The following BRSK2 variants were observed in gnomAD, a reference collection of about 807,000 sequenced individuals.
The protein encoded by BRSK2 is serine/threonine-protein kinase BRSK2.
A neutral mutation model predicts 83.3 loss-of-function variants in BRSK2; 19 were observed. The observed-to-expected ratio is 0.23, with a 90% CI of 0.16 to 0.33. BRSK2 has a LOEUF of 0.33. BRSK2 is among the 10% of genes least tolerant of loss of function. BRSK2 has a pLI of 1.00. For missense variants in BRSK2, 798 were observed against 1,042.3 expected, an observed-to-expected ratio of 0.77 and a Z score of 3.23; for synonymous variants, 519 against 435.4, an observed-to-expected ratio of 1.19 and a Z score of -2.39.
At chr11:1,460,006 C>T (rs1244054190) in intron 19 of BRSK2, among the ~76,000 whole-genome samples, 1 of 151,348 alleles carries the variant, frequency 6.6e-6, no homozygotes, top group Non-Finnish European at 1.5e-5. Flanking sequence ...TCCTGCGAGG[C>T]TTCAGAGCTC....
intron 12 of BRSK2, chr11:1,447,988 G>A (rs1277935944): frequency 4.0e-6 from 4 of 993,778 alleles, no homozygotes; most frequent in Non-Finnish European, 6.0e-6. Context: ...CTGCGGTGAA[G>A]CCAGCCAGCA....
rs973066758 is a variant in BRSK2 at position 1,421,665 on chromosome 11, C to T, written c.92-14375C>T. ...TGTTCTGAGCGTGTGCTGAGGGCCTCGCTCCTTCCTGCCCCCTGCCCCAGC... is the reference window on the plus strand; with the variant it reads ...TGTTCTGAGCGTGTGCTGAGGGCCTTGCTCCTTCCTGCCCCCTGCCCCAGC... On this transcript the variant is annotated intron_variant, in intron 1 of 19. Transcript: ENST00000528841. Among the ~76,000 whole-genome samples, 8 of 152,310 alleles carry T rather than the reference C, an allele frequency of 5.3e-5. No individual in the cohort carries two copies. The East Asian group carries it at 1.2e-3, about 22-fold the overall frequency.
rs1454225764 is a variant in BRSK2 at position 1,462,506 on chromosome 11, A to T, written c.*1783A>T. 6.6e-6 allele frequency: 1 copy of T among 152,246 alleles called. No homozygotes were observed. The highest frequency in any genetic ancestry group is 1.5e-5 in the Non-Finnish European group (1 of 68,068). The allele number at this position is 152,246 out of a possible 1,614,324, so 9.4% of individuals were successfully genotyped here. On this transcript the variant is annotated 3_prime_UTR_variant, in exon 20 of 20. Coordinates refer to ENST00000528841, the MANE Select transcript of BRSK2 (RefSeq NM_001256627.2). The stretch of plus-strand genomic sequence containing the variant: ...CAAACGCCAGGCGGTACAGGCGGGA[A>T]GGGGCTCTCCACGGAGATCGAGGAC...
intron 12 of BRSK2, among the ~76,000 whole-genome samples, chr11:1,446,117 G>A (rs1226857765): frequency 0.012 from 1,808 of 145,758 alleles, 28 homozygotes; most frequent in African/African-American, 0.038. Context: ...GCTGGGAGCT[G>A]AGCTGGGCTG....
chr11:1,403,580 AG>A (rs1464157089), intron 1 of BRSK2, among the ~76,000 whole-genome samples: 1 of 152,160 alleles, frequency 6.6e-6, no homozygotes, highest in African/African-American at 2.4e-5. Flanking sequence ...TTGGTGTGAA[AG>A]GGGGATAACT....
chr11:1,459,375 T>C, intron 19 of BRSK2, 136 bp downstream of exon 19: 1 of 953,942 alleles, frequency 1.0e-6, no homozygotes, highest in Non-Finnish European at 1.7e-6. Flanking sequence ...AGCCCAGATG[T>C]CCCCGGCCCC....
rs746817304 is a variant in BRSK2 at position 1,460,455 on chromosome 11, TTTTTC to T, written c.1988-44_1988-40del. 1.6e-3 allele frequency: 1,888 copies of T among 1,145,882 alleles called. 4 individuals are homozygous for T. The highest frequency in any genetic ancestry group is 2.0e-3 in the Non-Finnish European group (1,794 of 919,698). The allele number at this position is 1,145,882 out of a possible 1,614,324, so 71.0% of individuals were successfully genotyped here. Reference sequence around the variant, plus strand: ...CTCTTTCTCTCCCCCTTTTTTTTCTTTTTTCCTTTTTTTTTTTTTTTTTGTCTCTG... The same window carrying T: ...CTCTTTCTCTCCCCCTTTTTTTTCTTCTTTTTTTTTTTTTTTTTGTCTCTG... On this transcript the variant is annotated intron_variant, in intron 19 of 19. Transcript: ENST00000528841.
rs1851636842 is a variant in BRSK2 at position 1,443,573 on chromosome 11, C to T, written c.718C>T (p.Pro240Ser). The T allele has an allele frequency of 6.2e-7, 1 of 1,610,592 alleles. No homozygotes were observed. Among genetic ancestry groups the T allele is most frequent in the Non-Finnish European group, 8.5e-7 (1 of 1,178,876 alleles). The change falls in exon 8 of 20, where the codon CCG becomes TCG. Residue 240 changes from proline to serine, a missense_variant. Physicochemically the swap from Pro to Ser is moderately conservative, Grantham distance 74 (BLOSUM62 -1). Around this residue, in one of 6 missense-constraint regions of BRSK2, gnomAD observed 145 missense variants for 225.4 expected, o/e 0.64. Coordinates refer to ENST00000528841, the MANE Select transcript of BRSK2 (RefSeq NM_001256627.2). ...CGTGTTCCACATGCCGCACTTTATC[C>T]CGCCCGACTGCCAGAGTCTGCTACG... The part of the protein sequence containing the change: ...RGVFHMPHFI[P>S]PDCQSLLRGM...
At chr11:1,433,737 C>G (rs781349642) in intron 1 of BRSK2, among the ~76,000 whole-genome samples, 1 of 152,192 alleles carries the variant, frequency 6.6e-6, no homozygotes. Context: ...TCCGGCTGAG[C>G]GAATCACAAG....
At chr11:1,445,146 G>T (rs1266169229) in intron 9 of BRSK2, 144 bp downstream of exon 9, 3 of 1,467,598 alleles carry the variant, frequency 2.0e-6, no homozygotes, top group Non-Finnish European at 2.8e-6. Flanking sequence ...TGGGTGCGGG[G>T]TGCGGGCAGG....
At chr11:1,413,096 C>G (rs1311506832) in intron 1 of BRSK2, among the ~76,000 whole-genome samples, 1 of 152,110 alleles carries the variant, frequency 6.6e-6, no homozygotes, top group Non-Finnish European at 1.5e-5. Context: ...TGGGCAGGGA[C>G]TGGGGTGGGT....
Position 1,450,599 on chromosome 11 carries a change from C to T in BRSK2, c.1300C>T (p.Pro434Ser), listed in dbSNP as rs1428295154. The stretch of plus-strand genomic sequence containing the variant: ...CCCCACCATACAGGTGACCCCTCAC[C>T]CCTCACCAAGGGGCAGTCCCCTCCC... ...PLSSPRVTPHPSPRGSPLPTP... is the reference protein window; with the variant it reads ...PLSSPRVTPHSSPRGSPLPTP... Residue 434 changes from proline to serine, a missense_variant, in exon 14 of 20, where the codon CCC (proline) becomes TCC (serine). This residue lies in a region of BRSK2 where 455 missense variants were observed against 455.2 expected (regional missense o/e 1.00). Transcript: ENST00000528841. 6.3e-7 allele frequency: 1 copy of T among 1,580,818 alleles called. No individual in the cohort carries two copies. The highest frequency in any genetic ancestry group is 2.3e-5 in the East Asian group (1 of 43,472).
chr11:1,443,301 C>T (rs761905898), intron 6 of BRSK2, 34 bp from the exon 7 acceptor site: 16 of 1,582,770 alleles, frequency 1.0e-5, no homozygotes, highest in Middle Eastern at 2.1e-4. Context: ...CCCTGCCCTG[C>T]GCCCCCCAAC....
chr11:1,455,201 G>A (rs1003691632), intron 16 of BRSK2, among the ~76,000 whole-genome samples: 3 of 152,116 alleles, frequency 2.0e-5, no homozygotes, highest in African/African-American at 7.2e-5. Flanking sequence ...AATGGAGAAA[G>A]TTTATTGCCA....
Position 1,438,447 on chromosome 11 carries a change from A to T in BRSK2, c.272+56A>T. 52 of 1,442,822 alleles carry T rather than the reference A, an allele frequency of 3.6e-5. No individual in the cohort carries two copies. The highest frequency in any genetic ancestry group is 4.5e-5 in the Non-Finnish European group (46 of 1,028,074). The allele number at this position is 1,442,822 out of a possible 1,614,324, so 89.4% of individuals were successfully genotyped here. A position where few individuals can be genotyped will look rare whatever the true frequency, so the allele number is the denominator to read the frequency against. On this transcript the variant is annotated intron_variant, in intron 3 of 19. Transcript: ENST00000528841. The surrounding 1 kb of genome is among the most constrained non-coding windows in gnomAD (Gnocchi z 6.4). ...TGGCGGAGGTGGCAGCTGTCGCTGC[A>T]GGGGTGGGTGTCTGGGGCTTGGGGA... is the stretch of plus-strand genomic sequence containing the variant.
chr11:1,419,468 CTTAT>C (rs2134181566), intron 1 of BRSK2, among the ~76,000 whole-genome samples: 1 of 152,312 alleles, frequency 6.6e-6, no homozygotes, highest in East Asian at 1.9e-4. Context: ...TTTTTCAGTC[CTTAT>C]TTAAATAGTT....
chr11:1,414,987 G>A (rs1440305599), intron 1 of BRSK2, among the ~76,000 whole-genome samples: 1 of 152,122 alleles, frequency 6.6e-6, no homozygotes, highest in African/African-American at 2.4e-5. Context: ...CTTCCACCTT[G>A]TGGCTCTCAG....
chr11:1,414,181 C>T (rs118185024), intron 1 of BRSK2, among the ~76,000 whole-genome samples: 95 of 152,364 alleles, frequency 6.2e-4, no homozygotes, highest in Non-Finnish European at 1.1e-3. Flanking sequence ...AAAAATACCA[C>T]ACCCCAAAGT....
In BRSK2 at chr11:1,450,594, C is replaced by T; in HGVS notation, c.1295C>T (p.Pro432Leu). Residue 432 changes from proline (P) to leucine (L), a missense_variant, in exon 14 of 20, where the codon CCT becomes CTT. By Grantham distance (98) the Pro-to-Leu change is moderately conservative. Transcript: ENST00000528841. ...TSPLSSPRVT[P>L]HPSPRGSPLP... ...TCTGTCCCCACCATACAGGTGACCCCTCACCCCTCACCAAGGGGCAGTCCC... is the reference window on the plus strand; with the variant it reads ...TCTGTCCCCACCATACAGGTGACCCTTCACCCCTCACCAAGGGGCAGTCCC... The T allele has an allele frequency of 2.5e-6, 4 of 1,572,594 alleles. No individual in the cohort carries two copies. Among genetic ancestry groups the T allele is most frequent in the Non-Finnish European group, 2.6e-6 (3 of 1,158,634 alleles).
Sources: gnomAD v4.1 joint callset for allele counts (sites outside exome capture counted in the v4.1 genomes callset) on GRCh38, gnomAD v4.1.1 for gene constraint, gnomAD v4.1.1 regional missense constraint, Gnocchi (gnomAD v3.1) non-coding constraint, MANE v1.5 for transcripts, NCBI Gene and HGNC (gene_info 2026-07-23, HGNC 2026-07-21) for gene names.